Variants in NEK8 observed in about 807,000 individuals in gnomAD.
NEK8 encodes the protein serine/threonine-protein kinase Nek8.
NEK8 carries 51 observed loss-of-function variants against 77.2 expected under a neutral mutation model. That is an observed-to-expected ratio of 0.66 (90% CI 0.53 to 0.83). The LOEUF (loss-of-function observed/expected upper bound fraction) is 0.83. Among genes scored for constraint, NEK8 ranks in the 40% least tolerant of loss-of-function variants. The pLI is 0.00. For synonymous variants in NEK8, 365 were observed against 363.2 expected (o/e 1.00, Z -0.06); for missense variants, 787 against 909.2 (o/e 0.87, Z 1.73).
In NEK8 at chr17:28,739,665, T is replaced by C. The variant is rs185420058; in HGVS notation, c.1417+464T>C. On this transcript the variant is annotated intron_variant, in intron 10 of 14. Transcript: ENST00000268766. Reference sequence around the variant, plus strand: ...GGTTTCACCATCTTGGCCAGGCTGGTCTCGAACTCCTGACCTCGTGATCCA... The same window carrying C: ...GGTTTCACCATCTTGGCCAGGCTGGCCTCGAACTCCTGACCTCGTGATCCA... Among the ~76,000 whole-genome samples the C allele has an allele frequency of 4.1e-4, 62 of 152,164 alleles. 1 individual carries two copies. In the East Asian group the frequency reaches 5.8e-3, roughly 14 times the overall value.
chr17:28,741,285 G>C lies in NEK8; in HGVS notation c.1891+49G>C. On this transcript the variant is annotated intron_variant, in intron 13 of 14. Transcript: ENST00000268766. The surrounding 1 kb of genome is among the most constrained non-coding windows in gnomAD (Gnocchi z 4.5). ...CAGACAGTGCCATGAGCAGTGGGGG[G>C]TGGGGGTTGCTATTCAGGGCCACTG... is the stretch of plus-strand genomic sequence containing the variant. The C allele has an allele frequency of 6.3e-7, 1 of 1,593,134 alleles. No homozygotes were observed. The highest frequency in any genetic ancestry group is 8.6e-7 in the Non-Finnish European group (1 of 1,167,854).
chr17:28,737,975 G>C lies in NEK8; in HGVS notation c.1046G>C (p.Arg349Pro), dbSNP rs140363905. 1 of 1,611,910 alleles carries C rather than the reference G, an allele frequency of 6.2e-7. No individual in the cohort carries two copies. The highest frequency in any genetic ancestry group is 1.7e-5 in the Admixed American group (1 of 59,966). The change falls in exon 7 of 15, where the codon CGC becomes CCC. Residue 349 changes from arginine to proline, a missense_variant. Physicochemically the swap from Arg to Pro is moderately radical, Grantham distance 103. Coordinates refer to ENST00000268766, the MANE Select transcript of NEK8 (RefSeq NM_178170.3). The surrounding 1 kb of genome is among the most constrained non-coding windows in gnomAD (Gnocchi z 4.8). ...AGRTQKAGVT[R>P]SGRLILWEAP... ...CGCACGCAGAAAGCCGGCGTCACGC[G>C]CTCTGGGCGTCTCATCCTGTGGGAG...
At position 28,742,229 on chromosome 17, in the gene NEK8, C is replaced by T. The variant is rs1169242401; in HGVS notation, c.*242C>T. 1.6e-6 allele frequency: 1 copy of T among 622,272 alleles called. No homozygotes were observed. The highest frequency in any genetic ancestry group is 1.8e-5 in the African/African-American group (1 of 55,166). 38.5% of individuals were successfully genotyped at this position (622,272 alleles called of 1,614,324 possible). A position where few individuals can be genotyped will look rare whatever the true frequency, so the allele number is the denominator to read the frequency against. On this transcript the variant is annotated 3_prime_UTR_variant, in exon 15 of 15. Coordinates refer to ENST00000268766, the MANE Select transcript of NEK8 (RefSeq NM_178170.3). ...TCCCTTCAGTCAGTGTCCCCAGGGT[C>T]CAGCCTGGCTAGAGTTAGAAGGCAG... is the stretch of plus-strand genomic sequence containing the variant.
intron 1 of NEK8, among the ~76,000 whole-genome samples, chr17:28,729,515 C>T (rs2034285116): frequency 6.6e-6 from 1 of 151,122 alleles, no homozygotes; most frequent in South Asian, 2.1e-4. Context: ...GCCACCATGC[C>T]CGGCTAAATT....
At chr17:28,731,847 C>T (rs929983859) in intron 1 of NEK8, among the ~76,000 whole-genome samples, 1 of 149,440 alleles carries the variant, frequency 6.7e-6, no homozygotes, top group Admixed American at 6.7e-5. Context: ...CCTCGTGATC[C>T]GCCTGCCTCA....
At chr17:28,732,434 T>C (rs1404813477) in intron 1 of NEK8, among the ~76,000 whole-genome samples, 1 of 151,954 alleles carries the variant, frequency 6.6e-6, no homozygotes, top group African/African-American at 2.4e-5. Flanking sequence ...GGGCAAGGGC[T>C]GTAGAGAGGG....
chr17:28,730,179 C>T (rs898583500), intron 1 of NEK8, among the ~76,000 whole-genome samples: 3 of 151,946 alleles, frequency 2.0e-5, no homozygotes, highest in African/African-American at 7.3e-5. Flanking sequence ...GTGGCAATCT[C>T]AGTTCACTGC....
chr17:28,734,519 C>CAA (rs765512767), intron 2 of NEK8: 357 of 483,664 alleles, frequency 7.4e-4, no homozygotes, highest in Middle Eastern at 1.1e-3. Flanking sequence ...ACTAAAAATA[C>CAA]AAAAAAAAAA....
chr17:28,730,493 C>T (rs1403059290), intron 1 of NEK8, among the ~76,000 whole-genome samples: 2 of 152,024 alleles, frequency 1.3e-5, no homozygotes, highest in Non-Finnish European at 2.9e-5. Flanking sequence ...AGCCTGGTCT[C>T]GAACTCCTGA....
chr17:28,739,150 C>T lies in NEK8; in HGVS notation c.1366C>T (p.Leu456=). The T allele has an allele frequency of 6.2e-7, 1 of 1,614,178 alleles. No homozygotes were observed. Among genetic ancestry groups the T allele is most frequent in the Non-Finnish European group, 8.5e-7 (1 of 1,179,986 alleles). The change falls in exon 10 of 15, where the codon CTG becomes TTG. Residue 456 remains leucine (L), a synonymous_variant. Coordinates refer to ENST00000268766, the MANE Select transcript of NEK8 (RefSeq NM_178170.3). The part of the protein sequence containing the change: ...VQVACGASHV[L]ALSTERELFA... ...GGTGGCCTGTGGGGCCTCTCACGTG[C>T]TGGCCCTGTCCACTGAGCGAGAACT...
At chr17:28,732,275 G>A (rs1431949407) in intron 1 of NEK8, among the ~76,000 whole-genome samples, 1 of 151,620 alleles carries the variant, frequency 6.6e-6, no homozygotes, top group Non-Finnish European at 1.5e-5. Context: ...CCAACATAGT[G>A]AGACCCATAT....
At chr17:28,739,253 C>A (rs1349895984) in intron 10 of NEK8, 52 bp downstream of exon 10, 1 of 1,232,680 alleles carries the variant, frequency 8.1e-7, no homozygotes, top group Admixed American at 1.7e-5. Flanking sequence ...CCATGACTTG[C>A]TCCCCTTCAT....
rs2034333266 is a variant in NEK8, at chr17:28,733,789, G to A, written c.48-194G>A. ...ACTAACTTTACCTCACAGTGCCTGTGGTGAAACTGAAGTCCCACACAGCTT... is the reference window on the plus strand; with the variant it reads ...ACTAACTTTACCTCACAGTGCCTGTAGTGAAACTGAAGTCCCACACAGCTT... On this transcript the variant is annotated intron_variant, in intron 1 of 14. Coordinates refer to ENST00000268766, the MANE Select transcript of NEK8 (RefSeq NM_178170.3). Among the ~76,000 whole-genome samples the A allele has an allele frequency of 2.6e-5, 4 of 152,210 alleles. No individual in the cohort carries two copies. In the South Asian group the frequency reaches 6.2e-4, roughly 24 times the overall value.
intron 3 of NEK8, 48 bp from the exon 4 acceptor site, chr17:28,735,192 C>T (rs746862817): frequency 6.2e-7 from 1 of 1,612,242 alleles, no homozygotes; most frequent in South Asian, 1.1e-5. Context: ...CACAGAGCCC[C>T]TGGTCTTCCC....
intron 4 of NEK8, among the ~76,000 whole-genome samples, chr17:28,736,391 A>G (rs1174606992): frequency 6.6e-6 from 1 of 152,210 alleles, no homozygotes; most frequent in African/African-American, 2.4e-5. Context: ...AGTCCCACCA[A>G]CAGTGTAAAA....
At chr17:28,732,701 G>T (rs1346247273) in intron 1 of NEK8, among the ~76,000 whole-genome samples, 1 of 151,566 alleles carries the variant, frequency 6.6e-6, no homozygotes, top group Non-Finnish European at 1.5e-5. Context: ...ACAGGCGCCT[G>T]CCACCACACC....
chr17:28,734,612 A>AG (rs1597805348), intron 2 of NEK8, 160 bp from the exon 3 acceptor site: 10 of 623,070 alleles, frequency 1.6e-5, no homozygotes, highest in South Asian at 7.7e-5. Flanking sequence ...TGAACCCGGG[A>AG]GGGGGGGCTT....
rs1174322229 is a variant in NEK8, at chr17:28,737,959, A to G, written c.1030A>G (p.Lys344Glu). The change falls in exon 7 of 15, where the codon AAA becomes GAA. Residue 344 changes from lysine to glutamate, a missense_variant. Physicochemically the swap from Lys to Glu is moderately conservative, Grantham distance 56. Around this residue, in one of 2 missense-constraint regions of NEK8, gnomAD observed 516 missense variants for 544.0 expected, o/e 0.95. Coordinates refer to ENST00000268766, the MANE Select transcript of NEK8 (RefSeq NM_178170.3). The surrounding 1 kb of genome is among the most constrained non-coding windows in gnomAD (Gnocchi z 4.8). ...VVQVAAGRTQKAGVTRSGRLI... is the reference protein window; with the variant it reads ...VVQVAAGRTQEAGVTRSGRLI... ...CCAGGTGGCAGCTGGGCGCACGCAG[A>G]AAGCCGGCGTCACGCGCTCTGGGCG... The G allele has an allele frequency of 6.2e-7, 1 of 1,612,548 alleles. No individual in the cohort carries two copies.
intron 9 of NEK8, 139 bp from the exon 10 acceptor site, chr17:28,738,945 G>A: frequency 1.2e-6 from 1 of 851,156 alleles, no homozygotes; most frequent in Non-Finnish European, 2.1e-6. Flanking sequence ...TGCCCACCTG[G>A]CAGTGTGTAT....
Sources: allele counts gnomAD v4.1 joint callset (sites outside exome capture counted in the v4.1 genomes callset), GRCh38; gene constraint gnomAD v4.1.1; regional missense constraint gnomAD v4.1.1; non-coding constraint Gnocchi (gnomAD v3.1); transcripts MANE v1.5; gene names NCBI Gene and HGNC (gene_info 2026-07-23, HGNC 2026-07-21).